USP37: variants seen among roughly 807,000 people sequenced by gnomAD.
USP37 encodes the protein ubiquitin carboxyl-terminal hydrolase 37.
USP37 carries 27 observed loss-of-function variants against 124.0 expected under a neutral mutation model. The ratio of observed to expected loss-of-function variants is 0.22; its 90% CI spans 0.16 to 0.30. USP37 has a LOEUF of 0.30. Ranked by LOEUF, USP37 falls within the 10% of genes least tolerant of loss-of-function variation. USP37 has a pLI of 1.00. For missense variants in USP37, 889 were observed against 1,140.4 expected, an observed-to-expected ratio of 0.78 and a Z score of 3.17; for synonymous variants, 365 against 388.0, an observed-to-expected ratio of 0.94 and a Z score of 0.70.
At chr2:218,480,186 C>T in intron 17 of USP37, among the ~76,000 whole-genome samples, 1 of 149,842 alleles carries the variant, frequency 6.7e-6, no homozygotes, top group Non-Finnish European at 1.5e-5. Context: ...CTCATGAGGT[C>T]AGGAGATCGA....
chr2:218,537,431 T>A (rs754364139), intron 8 of USP37, among the ~76,000 whole-genome samples: 3 of 152,188 alleles, frequency 2.0e-5, no homozygotes, highest in Admixed American at 6.5e-5. Flanking sequence ...GCCAGTTATA[T>A]GAGTGAGGCC....
intron 4 of USP37, 130 bp downstream of exon 4, chr2:218,558,368 T>C: frequency 2.5e-6 from 2 of 811,134 alleles, no homozygotes; most frequent in Non-Finnish European, 3.7e-6. Flanking sequence ...AAAATATTAA[T>C]GTCCTAGAAA....
chr2:218,564,488 AT>A (rs1559235494), intron 1 of USP37, among the ~76,000 whole-genome samples: 1 of 152,242 alleles, frequency 6.6e-6, no homozygotes, highest in African/African-American at 2.4e-5. Flanking sequence ...ATCCTCATCA[AT>A]GAATTATGGC....
At chr2:218,459,160 T>C (rs1689868392) in intron 23 of USP37, among the ~76,000 whole-genome samples, 1 of 151,960 alleles carries the variant, frequency 6.6e-6, no homozygotes, top group Non-Finnish European at 1.5e-5. Flanking sequence ...CCGTTTTTGG[T>C]ATTTAATTAT....
Position 218,452,322 on chromosome 2 carries a change from A to C in USP37, c.*2608T>G, listed in dbSNP as rs1479637019. Reference sequence around the variant, plus strand: ...TGTCCCTTCCTGGCCCCAACATGCTAACTGCCCCATCCCCAATTCTGGGCA... The same window carrying C: ...TGTCCCTTCCTGGCCCCAACATGCTCACTGCCCCATCCCCAATTCTGGGCA... On this transcript the variant is annotated 3_prime_UTR_variant, in exon 26 of 26. Coordinates refer to ENST00000258399, the MANE Select transcript of USP37 (RefSeq NM_020935.3). 1 of 152,192 alleles carries C rather than the reference A, an allele frequency of 6.6e-6. No individual in the cohort carries two copies. The highest frequency in any genetic ancestry group is 1.5e-5 in the Non-Finnish European group (1 of 68,032). 9.4% of individuals were successfully genotyped at this position (152,192 alleles called of 1,614,324 possible).
chr2:218,519,463 T>A (rs1361875106), intron 10 of USP37, among the ~76,000 whole-genome samples: 2 of 152,190 alleles, frequency 1.3e-5, no homozygotes, highest in African/African-American at 4.8e-5. Flanking sequence ...AGGCTCCCTA[T>A]ATTGGTAGGT....
At chr2:218,543,719 T>C (rs183109414) in intron 8 of USP37, among the ~76,000 whole-genome samples, 1 of 151,764 alleles carries the variant, frequency 6.6e-6, no homozygotes, top group African/African-American at 2.4e-5. Flanking sequence ...GGCAGGAGAA[T>C]GGTGTGAACC....
chr2:218,463,111 G>C (rs1431783675), intron 22 of USP37, among the ~76,000 whole-genome samples, 195 bp downstream of exon 22: 1 of 151,714 alleles, frequency 6.6e-6, no homozygotes, highest in Non-Finnish European at 1.5e-5. Context: ...AGGTTGCAGT[G>C]AGCCAAGATT....
Position 218,451,431 on chromosome 2 carries a change from G to A in USP37, c.*3499C>T, listed in dbSNP as rs1689474047. ...ACCACCCTAAATGGGATAACTAAGA[G>A]TATCTACTGCAGTCATTTCAGAGGA... On this transcript the variant is annotated 3_prime_UTR_variant, in exon 26 of 26. Transcript: ENST00000258399. The A allele has an allele frequency of 6.6e-6, 1 of 152,126 alleles. No homozygotes were observed. The highest frequency in any genetic ancestry group is 2.1e-4 in the South Asian group (1 of 4,830). 9.4% of individuals were successfully genotyped at this position (152,126 alleles called of 1,614,324 possible).
At chr2:218,543,331 G>A (rs832808) in intron 8 of USP37, among the ~76,000 whole-genome samples, 76,285 of 151,014 alleles carry the variant, frequency 0.51, 22,234 homozygotes, top group East Asian at 0.9. Context: ...GTGAAACCCC[G>A]TCTCTACTAA....
intron 10 of USP37, among the ~76,000 whole-genome samples, chr2:218,514,664 C>T (rs1690179396): frequency 1.3e-5 from 2 of 152,146 alleles, no homozygotes; most frequent in African/African-American, 4.8e-5. Context: ...TAGGGAGATA[C>T]TTTTGAGACT....
chr2:218,456,922 A>G (rs1020165060), intron 24 of USP37, among the ~76,000 whole-genome samples, 170 bp downstream of exon 24: 2 of 151,962 alleles, frequency 1.3e-5, no homozygotes, highest in African/African-American at 4.8e-5. Flanking sequence ...GTGAGCCGAG[A>G]TTGTGCCACT....
intron 8 of USP37, among the ~76,000 whole-genome samples, chr2:218,542,149 T>C (rs1692012604): frequency 1.3e-5 from 2 of 152,208 alleles, no homozygotes; most frequent in African/African-American, 2.4e-5. Flanking sequence ...TGGCTTCCTC[T>C]TCTTCTCTGG....
In USP37 at chr2:218,546,989, C is replaced by T. The variant is rs1692363822; in HGVS notation, c.532G>A (p.Gly178Arg). 6.2e-7 allele frequency: 1 copy of T among 1,613,638 alleles called. No individual in the cohort carries two copies. The highest frequency in any genetic ancestry group is 1.3e-5 in the African/African-American group (1 of 74,902). The change falls in exon 7 of 26, where the codon GGA becomes AGA. Residue 178 changes from glycine to arginine, a missense_variant. Coordinates refer to ENST00000258399, the MANE Select transcript of USP37 (RefSeq NM_020935.3). ...AAAGAAGGAATCGTCCGAGCTATTC[C>T]ACTTCCTGCTACAGTCTTAATCGAT... ...RGSIKTVAGSGIARTIPSLTS... is the reference protein window; with the variant it reads ...RGSIKTVAGSRIARTIPSLTS...
At chr2:218,508,487 G>T (rs1229332213) in intron 11 of USP37, among the ~76,000 whole-genome samples, 1 of 152,046 alleles carries the variant, frequency 6.6e-6, no homozygotes, top group African/African-American at 2.4e-5. Flanking sequence ...TGAAGGAGGT[G>T]AATAACAGAA....
chr2:218,472,101 A>G (rs978117409), intron 20 of USP37, among the ~76,000 whole-genome samples: 2 of 152,008 alleles, frequency 1.3e-5, no homozygotes, highest in Non-Finnish European at 2.9e-5. Context: ...TGGTGATCTC[A>G]AGAGTCTTTC....
At chr2:218,489,473 C>A (rs1273089055) in intron 14 of USP37, among the ~76,000 whole-genome samples, 1 of 151,828 alleles carries the variant, frequency 6.6e-6, no homozygotes, top group African/African-American at 2.4e-5. Flanking sequence ...TCCTTCTCCC[C>A]CAAAATAACT....
At chr2:218,488,823 CG>C (rs910809104) in intron 14 of USP37, among the ~76,000 whole-genome samples, 1 of 151,520 alleles carries the variant, frequency 6.6e-6, no homozygotes, top group Admixed American at 6.6e-5. Flanking sequence ...TTAGTAGAGA[CG>C]GGGTTTCTCC....
chr2:218,500,134 G>A (rs1252313686), intron 11 of USP37, among the ~76,000 whole-genome samples: 7 of 152,066 alleles, frequency 4.6e-5, no homozygotes, highest in Admixed American at 4.6e-4. Flanking sequence ...GAGTGTAGTG[G>A]CGTGATCTCA....
Sources: gnomAD v4.1 joint callset for allele counts (sites outside exome capture counted in the v4.1 genomes callset) on GRCh38, gnomAD v4.1.1 for gene constraint, MANE v1.5 for transcripts, NCBI Gene and HGNC (gene_info 2026-07-23, HGNC 2026-07-21) for gene names.